SERPINE2: variants seen among roughly 807,000 people sequenced by gnomAD.
SERPINE2 encodes glia-derived nexin.
SERPINE2 carries 14 observed loss-of-function variants against 36.3 expected under a neutral mutation model. That is an observed-to-expected ratio of 0.39 (90% CI 0.25 to 0.60). The LOEUF is 0.60. SERPINE2 is among the 20% of genes least tolerant of loss of function. The pLI is 0.57. For synonymous variants in SERPINE2, 192 were observed against 191.8 expected (o/e 1.00, Z -0.01); for missense variants, 418 against 499.6 (o/e 0.84, Z 1.56).
rs937698063 is a variant in SERPINE2 at position 223,975,189 on chromosome 2, T to C, written c.*678A>G. On this transcript the variant is annotated 3_prime_UTR_variant, in exon 9 of 9. Coordinates refer to ENST00000409304, the MANE Select transcript of SERPINE2 (RefSeq NM_001136528.2). ...TACTCATAACAGTTTATTTTTACTT[T>C]GTACAAAATACAAAAATGCAAATCC... 1.3e-5 allele frequency: 2 copies of C among 152,648 alleles called. No homozygotes were observed. Among genetic ancestry groups the C allele is most frequent in the Admixed American group, 1.3e-4 (2 of 15,286 alleles). 9.5% of individuals were successfully genotyped at this position (152,648 alleles called of 1,614,324 possible).
At chr2:223,984,622 ATGAAATTTC>A (rs1342450332) in intron 5 of SERPINE2, 121 bp downstream of exon 5, 2 of 818,684 alleles carry the variant, frequency 2.4e-6, no homozygotes, top group African/African-American at 1.7e-5. Context: ...TAATCCCACC[ATGAAATTTC>A]TGCAGAACAG....
intron 1 of SERPINE2, among the ~76,000 whole-genome samples, chr2:224,029,810 T>C (rs1692299362): frequency 6.6e-6 from 1 of 152,224 alleles, no homozygotes; most frequent in South Asian, 2.1e-4. Flanking sequence ...GTGATTCTCA[T>C]GCCTCAGCCT....
At chr2:224,030,008 T>C (rs1692307218) in intron 1 of SERPINE2, 7 of 964,876 alleles carry the variant, frequency 7.3e-6, no homozygotes, top group Non-Finnish European at 7.4e-6. Context: ...TGGCCCTGCA[T>C]AGACATTTAT....
intron 3 of SERPINE2, among the ~76,000 whole-genome samples, chr2:223,997,729 A>C (rs1476620897): frequency 6.6e-6 from 1 of 152,186 alleles, no homozygotes; most frequent in Non-Finnish European, 1.5e-5. Flanking sequence ...CAAAGAGATC[A>C]ATCAACCTGG....
intron 1 of SERPINE2, among the ~76,000 whole-genome samples, chr2:224,018,762 A>G (rs570025675): frequency 5.9e-5 from 9 of 152,284 alleles, no homozygotes; most frequent in Non-Finnish European, 1.3e-4. Flanking sequence ...CAAGAACCTA[A>G]GCCAAAGTCT....
At chr2:224,031,481 C>T in intron 1 of SERPINE2, 2 of 985,546 alleles carry the variant, frequency 2.0e-6, no homozygotes, top group Non-Finnish European at 2.4e-6. Flanking sequence ...CAAGGATTGA[C>T]CATGTGATTT....
intron 4 of SERPINE2, 115 bp downstream of exon 4, chr2:223,991,675 ACCCTGCTCTGTTC>A: frequency 1.1e-6 from 1 of 950,914 alleles, no homozygotes; most frequent in Non-Finnish European, 1.6e-6. Flanking sequence ...GCCTCTCAGC[ACCCTGCTCTGTTC>A]CCCAGTTTTT....
intron 1 of SERPINE2, among the ~76,000 whole-genome samples, chr2:224,028,799 A>G (rs115955266): frequency 0.014 from 2,091 of 152,274 alleles, 29 homozygotes; most frequent in Admixed American, 0.025. Flanking sequence ...TGTGCCAGCT[A>G]TGGTGGGAGG....
Position 223,982,982 on chromosome 2 carries a change from G to A in SERPINE2, c.885-201C>T, listed in dbSNP as rs189394262. Among the ~76,000 whole-genome samples, 341 of 152,310 alleles carry A rather than the reference G, an allele frequency of 2.2e-3. 5 individuals are homozygous for A. The highest frequency in any genetic ancestry group is 8.0e-3 in the African/African-American group (331 of 41,558). On this transcript the variant is annotated intron_variant, in intron 5 of 8. Coordinates refer to ENST00000409304, the MANE Select transcript of SERPINE2 (RefSeq NM_001136528.2). ...CTCTCAAACACTTAGCTGGCAAAAT[G>A]AGTCATATGTACTAACGGCAAGAAT...
chr2:223,982,925 T>C, intron 5 of SERPINE2, 144 bp from the exon 6 acceptor site: 1 of 591,986 alleles, frequency 1.7e-6, no homozygotes, highest in Non-Finnish European at 2.9e-6. Context: ...GAATTCCAAA[T>C]TTAAATACCA....
chr2:223,985,336 T>C (rs2106140958), intron 4 of SERPINE2, among the ~76,000 whole-genome samples: 1 of 151,414 alleles, frequency 6.6e-6, no homozygotes, highest in Admixed American at 6.6e-5. Flanking sequence ...GTATTGTGTA[T>C]ATTAAGGTAC....
intron 1 of SERPINE2, chr2:224,030,252 C>T: frequency 2.0e-6 from 2 of 984,428 alleles, no homozygotes; most frequent in Non-Finnish European, 2.4e-6. Flanking sequence ...GGAGTACTGC[C>T]CACTGAGAGT....
chr2:223,993,343 C>T (rs1478750299), intron 3 of SERPINE2, among the ~76,000 whole-genome samples: 1 of 152,136 alleles, frequency 6.6e-6, no homozygotes, highest in Non-Finnish European at 1.5e-5. Flanking sequence ...CTACCTGTGG[C>T]TGAAGGTTTG....
chr2:224,033,582 G>A (rs1692445860), intron 1 of SERPINE2, among the ~76,000 whole-genome samples: 1 of 151,706 alleles, frequency 6.6e-6, no homozygotes, highest in Non-Finnish European at 1.5e-5. Context: ...ACGCTCTATT[G>A]GTGGTGCAGC....
chr2:223,985,152 ACAGAATG>A, intron 4 of SERPINE2: 1 of 584,852 alleles, frequency 1.7e-6, no homozygotes, highest in South Asian at 2.1e-5. Flanking sequence ...TTCAGTCTAG[ACAGAATG>A]CCTTTGGGAA....
chr2:224,033,197 G>A (rs1377765733), intron 1 of SERPINE2, among the ~76,000 whole-genome samples: 1 of 152,134 alleles, frequency 6.6e-6, no homozygotes, highest in Non-Finnish European at 1.5e-5. Flanking sequence ...AAGAGAAGAT[G>A]GGCACATTTA....
intron 1 of SERPINE2, among the ~76,000 whole-genome samples, chr2:224,003,097 G>A (rs1691251654): frequency 6.6e-6 from 1 of 152,150 alleles, no homozygotes; most frequent in Non-Finnish European, 1.5e-5. Flanking sequence ...CTCTATGGCA[G>A]GAACATCGTG....
At chr2:224,034,618 T>G (rs377210920) in intron 1 of SERPINE2, among the ~76,000 whole-genome samples, 19 of 152,210 alleles carry the variant, frequency 1.2e-4, no homozygotes, top group African/African-American at 4.6e-4. Context: ...GACTCTGCCC[T>G]AAGGTGTCTA....
In SERPINE2 at chr2:224,014,551, G is replaced by C. The variant is rs116447431; in HGVS notation, c.-22-12629C>G. Reference sequence around the variant, plus strand: ...GATCATTGTGTGGCGCCTGGGGCGAGAGTGGGAATGTGTGTTCTCTTGTGC... The same window carrying C: ...GATCATTGTGTGGCGCCTGGGGCGACAGTGGGAATGTGTGTTCTCTTGTGC... On this transcript the variant is annotated intron_variant, in intron 1 of 8. Coordinates refer to ENST00000409304, the MANE Select transcript of SERPINE2 (RefSeq NM_001136528.2). Among the ~76,000 whole-genome samples, 854 of 152,310 alleles carry C rather than the reference G, an allele frequency of 5.6e-3. 8 individuals are homozygous for C. Among genetic ancestry groups the C allele is most frequent in the African/African-American group, 0.019 (800 of 41,572 alleles).
Sources: allele counts gnomAD v4.1 joint callset (sites outside exome capture counted in the v4.1 genomes callset), GRCh38; gene constraint gnomAD v4.1.1; transcripts MANE v1.5; gene names NCBI Gene and HGNC (gene_info 2026-07-23, HGNC 2026-07-21).